Variants in REV3L observed in about 807,000 individuals in gnomAD.
REV3L encodes the protein DNA polymerase zeta catalytic subunit.
In REV3L, 69 loss-of-function variants were observed where a neutral mutation model predicts 299.4. The ratio of observed to expected loss-of-function variants is 0.23; its 90% confidence interval spans 0.19 to 0.28. The LOEUF (loss-of-function observed/expected upper bound fraction) is 0.28. REV3L is among the 10% of genes least tolerant of loss of function. The probability of loss-of-function intolerance (pLI) is 1.00; values close to 1 mark genes in which losing one functional copy is unlikely to be tolerated. For synonymous variants in REV3L, 1,238 were observed against 1,271.4 expected (o/e 0.97, Z 0.56); for missense variants, 3,128 against 3,693.8 (o/e 0.85, Z 3.97).
chr6:111,411,356 T>A lies in REV3L; in HGVS notation c.404+124A>T. 2 of 656,858 alleles carry A rather than the reference T, an allele frequency of 3.0e-6. 1 individual carries two copies. Among genetic ancestry groups the A allele is most frequent in the East Asian group, 5.7e-5 (2 of 35,040 alleles). 40.7% of individuals were successfully genotyped at this position (656,858 alleles called of 1,614,324 possible). A position where few individuals can be genotyped will look rare whatever the true frequency, so the allele number is the denominator to read the frequency against. Reference sequence around the variant, plus strand: ...TGGTCTCTCTCTATACACGTACATGTGTATTTTACGGTCTCTGTCTTTAAT... The same window carrying A: ...TGGTCTCTCTCTATACACGTACATGAGTATTTTACGGTCTCTGTCTTTAAT... On this transcript the variant is annotated intron_variant, in intron 3 of 31. Transcript: ENST00000368802.
intron 31 of REV3L, among the ~76,000 whole-genome samples, chr6:111,305,703 T>C (rs954014767): frequency 2.0e-4 from 30 of 152,158 alleles, no homozygotes; most frequent in African/African-American, 3.4e-4. Flanking sequence ...GTGTTTGTCA[T>C]TGAGTGCAGA....
At position 111,373,547 on chromosome 6, in the gene REV3L, G is replaced by A; in HGVS notation, c.4808C>T (p.Ser1603Phe). Reference protein sequence around the residue: ...EKIPKLLKVDSLNLQNSSQLD... With the variant: ...EKIPKLLKVDFLNLQNSSQLD... ...CTGGCTAGAGTTTTGTAAATTTAAA[G>A]AGTCTACTTTGAGAAGTTTGGGGAT... Residue 1603 changes from serine (S) to phenylalanine (F), a missense_variant, in exon 13 of 32, where the codon TCT becomes TTT. Transcript: ENST00000368802. 6.2e-7 allele frequency: 1 copy of A among 1,613,572 alleles called. No individual in the cohort carries two copies. The highest frequency in any genetic ancestry group is 8.5e-7 in the Non-Finnish European group (1 of 1,179,876).
At chr6:111,348,194 C>T (rs1777216586) in intron 20 of REV3L, among the ~76,000 whole-genome samples, 2 of 152,132 alleles carry the variant, frequency 1.3e-5, no homozygotes, top group Admixed American at 6.5e-5. Flanking sequence ...CAAGCTATCC[C>T]CTCCTACCTC....
chr6:111,357,070 G>A lies in REV3L; in HGVS notation c.7128C>T (p.Val2376=). Residue 2376 remains valine, a synonymous_variant, in exon 18 of 32, where the codon GTC becomes GTT. Coordinates refer to ENST00000368802, the MANE Select transcript of REV3L (RefSeq NM_001372078.1). ...GTGCCTTCTCATCAGCAGCATAGGTGACTTCGAGTCCTGTAATTCCAGATC... is the reference window on the plus strand; with the variant it reads ...GTGCCTTCTCATCAGCAGCATAGGTAACTTCGAGTCCTGTAATTCCAGATC... The part of the protein sequence containing the change: ...LIRSGITGLE[V]TYAADEKALF... The A allele has an allele frequency of 6.2e-7, 1 of 1,602,688 alleles. No individual in the cohort carries two copies. The highest frequency in any genetic ancestry group is 8.5e-7 in the Non-Finnish European group (1 of 1,173,512).
chr6:111,311,022 T>C, intron 29 of REV3L, 47 bp downstream of exon 29: 2 of 1,485,174 alleles, frequency 1.3e-6, no homozygotes, highest in African/African-American at 2.8e-5. Context: ...TCTAGACCTG[T>C]GCAGAATCTC....
chr6:111,430,339 A>C, intron 1 of REV3L: 1 of 1,164,170 alleles, frequency 8.6e-7, no homozygotes, highest in Non-Finnish European at 1.3e-6. Context: ...CTACTCCATG[A>C]TCATTAAACA....
At position 111,390,150 on chromosome 6, in the gene REV3L, C is replaced by T; in HGVS notation, c.693G>A (p.Gln231=). The T allele has an allele frequency of 6.2e-7, 1 of 1,609,662 alleles. No homozygotes were observed. The highest frequency in any genetic ancestry group is 8.5e-7 in the Non-Finnish European group (1 of 1,176,178). The change falls in exon 6 of 32, where the codon CAG becomes CAA. Residue 231 remains glutamine (Q), a synonymous_variant. Transcript: ENST00000368802. ...CATCCACTTCTAATTCACATGTACT[C>T]TGTGGTTCAACACCTTCCAATATTA... The part of the protein sequence containing the change: ...SSLILEGVEP[Q]STCELEVDAV...
intron 22 of REV3L, 27 bp from the exon 23 acceptor site, chr6:111,333,394 A>T: frequency 6.2e-7 from 1 of 1,610,624 alleles, no homozygotes; most frequent in East Asian, 2.2e-5. Context: ...AGGTGAGAAG[A>T]GAAGAAACAC....
intron 1 of REV3L, among the ~76,000 whole-genome samples, chr6:111,447,099 C>T (rs1368216691): frequency 1.3e-5 from 2 of 152,096 alleles, no homozygotes; most frequent in Non-Finnish European, 2.9e-5. Flanking sequence ...TACCTACCAT[C>T]CCAAAATATA....
At chr6:111,429,724 C>T (rs962452846) in intron 1 of REV3L, among the ~76,000 whole-genome samples, 12 of 152,182 alleles carry the variant, frequency 7.9e-5, no homozygotes, top group African/African-American at 2.7e-4. Flanking sequence ...CTCGCGGGCC[C>T]CGCTCCCGCC....
At chr6:111,316,434 CG>C (rs1339191996) in intron 26 of REV3L, among the ~76,000 whole-genome samples, 3 of 151,886 alleles carry the variant, frequency 2.0e-5, no homozygotes, top group African/African-American at 7.2e-5. Flanking sequence ...GAGGCTGAGG[CG>C]GGTGTATCAC....
At chr6:111,388,189 C>A in intron 7 of REV3L, 104 bp from the exon 8 acceptor site, 1 of 708,826 alleles carries the variant, frequency 1.4e-6, no homozygotes, top group South Asian at 1.8e-5. Flanking sequence ...TCCTATCTTT[C>A]TCTAGATATA....
rs773545967 is a variant in REV3L at position 111,373,864 on chromosome 6, T to G, written c.4491A>C (p.Ser1497=). Residue 1497 remains serine, a synonymous_variant, in exon 13 of 32, where the codon TCA becomes TCC. Coordinates refer to ENST00000368802, the MANE Select transcript of REV3L (RefSeq NM_001372078.1). ...KPERVKPRSL[S]EAISQTKALS... is the part of the protein sequence containing the mutation. ...GTGCTTTGGTTTGTGAAATTGCTTCTGATAACGACCTCGGTTTTACTCTTT... is the reference window on the plus strand; with the variant it reads ...GTGCTTTGGTTTGTGAAATTGCTTCGGATAACGACCTCGGTTTTACTCTTT... 1.2e-6 allele frequency: 2 copies of G among 1,614,104 alleles called. No individual in the cohort carries two copies. The highest frequency in any genetic ancestry group is 2.2e-5 in the South Asian group (2 of 91,060).
rs1450169235 is a variant in REV3L at position 111,390,189 on chromosome 6, A to G, written c.663-9T>C. The G allele has an allele frequency of 6.6e-7, 1 of 1,509,648 alleles. No homozygotes were observed. Among genetic ancestry groups the G allele is most frequent in the African/African-American group, 1.4e-5 (1 of 72,912 alleles). The allele number at this position is 1,509,648 out of a possible 1,614,324, so 93.5% of individuals were successfully genotyped here. On this transcript the variant is annotated splice_polypyrimidine_tract_variant and intron_variant, in intron 5 of 31. Coordinates refer to ENST00000368802, the MANE Select transcript of REV3L (RefSeq NM_001372078.1). ...CTTCCAATATTAAAGAGCTGCAATT[A>G]AAGGATATAAAAAACATAATAATTA...
chr6:111,382,329 G>A lies in REV3L; in HGVS notation c.1097-885C>T, dbSNP rs17510775. On this transcript the variant is annotated intron_variant, in intron 9 of 31. Coordinates refer to ENST00000368802, the MANE Select transcript of REV3L (RefSeq NM_001372078.1). ...AGCGAAGAGGGTAGAAAAGACAGTC[G>A]TGAATTGCTGACAGCACCTCCCATC... Among the ~76,000 whole-genome samples the A allele has an allele frequency of 5.4e-3, 819 of 152,250 alleles. 2 individuals carry two copies. The highest frequency in any genetic ancestry group is 9.2e-3 in the Non-Finnish European group (627 of 68,016).
chr6:111,310,909 G>T, intron 29 of REV3L, 160 bp downstream of exon 29: 1 of 473,278 alleles, frequency 2.1e-6, no homozygotes, highest in Non-Finnish European at 3.6e-6. Flanking sequence ...CACATCTTAC[G>T]AAGTATGAGG....
intron 15 of REV3L, 40 bp from the exon 16 acceptor site, chr6:111,364,018 T>TA (rs1778961576): frequency 1.3e-6 from 2 of 1,571,708 alleles, no homozygotes; most frequent in African/African-American, 2.8e-5. Context: ...CAGAAAAAGA[T>TA]ACATGAGCAA....
intron 1 of REV3L, among the ~76,000 whole-genome samples, chr6:111,437,159 C>CT (rs919539630): frequency 6.6e-6 from 1 of 152,100 alleles, no homozygotes; most frequent in Admixed American, 6.5e-5. Context: ...GGTGCAGGTG[C>CT]TTTATAGAAT....
In REV3L at chr6:111,364,100, T is replaced by C. The variant is rs1006308573; in HGVS notation, c.6754-122A>G. ...TTTAGTAATAAATGGTAAACTAATA[T>C]CATCTCTAAGTTCAAGAACAAACTG... On this transcript the variant is annotated intron_variant, in intron 15 of 31. Transcript: ENST00000368802. The C allele has an allele frequency of 2.3e-6, 3 of 1,305,650 alleles. 1 individual carries two copies. Among genetic ancestry groups the C allele is most frequent in the Non-Finnish European group, 3.1e-6 (3 of 965,760 alleles). 80.9% of individuals were successfully genotyped at this position (1,305,650 alleles called of 1,614,324 possible).
Sources: allele counts gnomAD v4.1 joint callset (sites outside exome capture counted in the v4.1 genomes callset), GRCh38; gene constraint gnomAD v4.1.1; transcripts MANE v1.5; gene names NCBI Gene and HGNC (gene_info 2026-07-23, HGNC 2026-07-21).